CD96: variants seen among roughly 807,000 people sequenced by gnomAD.
The protein encoded by CD96 is CD96 molecule.
A neutral mutation model predicts 71.3 loss-of-function variants in CD96; 70 were observed. The ratio of observed to expected loss-of-function variants is 0.98; its 90% CI spans 0.81 to 1.20. The LOEUF is 1.20. Among genes scored for constraint, CD96 ranks in the 50% most tolerant of loss-of-function variants. The pLI is 0.00. For synonymous variants in CD96, 248 were observed against 233.0 expected, an observed-to-expected ratio of 1.06 and a Z score of -0.59; for missense variants, 742 against 677.5, an observed-to-expected ratio of 1.10 and a Z score of -1.06.
intron 3 of CD96, among the ~76,000 whole-genome samples, chr3:111,576,244 A>AT (rs1347041150): frequency 1.3e-5 from 2 of 152,170 alleles, no homozygotes; most frequent in African/African-American, 2.4e-5. Context: ...AAAAGAAAAA[A>AT]CTGGTAGAAA....
chr3:111,647,397 A>G, intron 12 of CD96, 146 bp from the exon 13 acceptor site: 1 of 768,184 alleles, frequency 1.3e-6, no homozygotes, highest in Non-Finnish European at 2.3e-6. Context: ...TCATGTAGGT[A>G]ACAAGGCTTA....
chr3:111,564,001 T>C (rs1935581595), intron 2 of CD96, among the ~76,000 whole-genome samples: 2 of 152,156 alleles, frequency 1.3e-5, no homozygotes, highest in South Asian at 2.1e-4. Flanking sequence ...TTAACTATGT[T>C]ACTCTATTGT....
rs1157115764 is a variant in CD96 at position 111,652,204 on chromosome 3, C to T, written c.*2398C>T. 2.0e-5 allele frequency: 3 copies of T among 152,120 alleles called. No individual in the cohort carries two copies. Among genetic ancestry groups the T allele is most frequent in the African/African-American group, 7.2e-5 (3 of 41,420 alleles). 9.4% of individuals were successfully genotyped at this position (152,120 alleles called of 1,614,324 possible). ...TACATAGCGACAGATAACTATACAGCTCAACAACTAGAAAAATAAACTGTT... is the reference window on the plus strand; with the variant it reads ...TACATAGCGACAGATAACTATACAGTTCAACAACTAGAAAAATAAACTGTT... On this transcript the variant is annotated 3_prime_UTR_variant, in exon 14 of 14. Transcript: ENST00000352690.
At chr3:111,601,179 C>T (rs1043172719) in intron 7 of CD96, among the ~76,000 whole-genome samples, 1 of 152,166 alleles carries the variant, frequency 6.6e-6, no homozygotes. Flanking sequence ...CAATTTAATT[C>T]ATCATAACTC....
intron 10 of CD96, among the ~76,000 whole-genome samples, chr3:111,631,940 A>T (rs1308125319): frequency 6.6e-6 from 1 of 152,224 alleles, no homozygotes; most frequent in Non-Finnish European, 1.5e-5. Flanking sequence ...GAAAACTTAA[A>T]CTGGACCCCT....
chr3:111,557,249 C>T lies in CD96; in HGVS notation c.419-10274C>T, dbSNP rs1487518170. On this transcript the variant is annotated intron_variant, in intron 2 of 13. Transcript: ENST00000352690. The stretch of plus-strand genomic sequence containing the variant: ...TCAATTTTGGCTTTTGTTGCCATTG[C>T]TTTTGGTGTTTTAGACATGAAGTCC... Among the ~76,000 whole-genome samples the T allele has an allele frequency of 2.5e-5, 3 of 121,792 alleles. 1 individual carries two copies. The highest frequency in any genetic ancestry group is 4.9e-5 in the Non-Finnish European group (3 of 60,874). The allele number at this position is 121,792 out of a possible 152,430, so 79.9% of individuals were successfully genotyped here. A position where few individuals can be genotyped will look rare whatever the true frequency, so the allele number is the denominator to read the frequency against.
downstream of CD96, among the ~76,000 whole-genome samples, chr3:111,656,442 A>G (rs890211957): frequency 6.6e-6 from 1 of 152,210 alleles, no homozygotes; most frequent in South Asian, 2.1e-4. Context: ...ATTGAGAAGA[A>G]TATGATGATA....
chr3:111,583,064 C>T (rs151007704), intron 4 of CD96, among the ~76,000 whole-genome samples: 1,876 of 152,320 alleles, frequency 0.012, 46 homozygotes, highest in African/African-American at 0.042. Context: ...TAAAATCAAA[C>T]GCAAGTTAGT....
At chr3:111,562,531 T>A (rs954185197) in intron 2 of CD96, among the ~76,000 whole-genome samples, 3 of 68,672 alleles carry the variant, frequency 4.4e-5, no homozygotes, top group African/African-American at 1.9e-4. Context: ...TTGATCTCTC[T>A]TCTCGATTTT....
chr3:111,552,039 CTAAT>C (rs1231443323), intron 2 of CD96, among the ~76,000 whole-genome samples: 2 of 152,102 alleles, frequency 1.3e-5, no homozygotes, highest in African/African-American at 4.8e-5. Flanking sequence ...TTGCATTTCT[CTAAT>C]TATCAGTGAT....
intron 12 of CD96, among the ~76,000 whole-genome samples, chr3:111,639,067 TCTG>T (rs758590772): frequency 6.6e-6 from 1 of 152,178 alleles, no homozygotes; most frequent in Non-Finnish European, 1.5e-5. Flanking sequence ...AGATTGCAAC[TCTG>T]CAGCATGCAG....
intron 2 of CD96, among the ~76,000 whole-genome samples, chr3:111,562,254 G>A (rs538729718): frequency 6.6e-6 from 1 of 152,160 alleles, no homozygotes; most frequent in African/African-American, 2.4e-5. Context: ...CTTCTTTGAA[G>A]TCTCTTAAAT....
chr3:111,661,025 T>C (rs1185976199), intron 14 of CD96, among the ~76,000 whole-genome samples: 1 of 152,190 alleles, frequency 6.6e-6, no homozygotes, highest in Non-Finnish European at 1.5e-5. Context: ...AGAGATTTAA[T>C]TGACTCAGAG....
chr3:111,592,634 T>C (rs987893798), intron 5 of CD96, among the ~76,000 whole-genome samples: 3 of 152,264 alleles, frequency 2.0e-5, no homozygotes, highest in Non-Finnish European at 4.4e-5. Context: ...TTCCTTCCTC[T>C]GTTCTTTATT....
At position 111,649,852 on chromosome 3, in the gene CD96, T is replaced by C. The variant is rs766944392; in HGVS notation, c.*46T>C. On this transcript the variant is annotated 3_prime_UTR_variant, in exon 14 of 14. Coordinates refer to ENST00000352690, the MANE Select transcript of CD96 (RefSeq NM_005816.5). The stretch of plus-strand genomic sequence containing the variant: ...TGGCAGAACTCTGCTGGAATCCTAT[T>C]GAGAAGGTAGACATTGTGCTTTATT... 8 of 1,169,072 alleles carry C rather than the reference T, an allele frequency of 6.8e-6. No homozygotes were observed. In the Admixed American group the frequency reaches 1.2e-4, roughly 17 times the overall value. 72.4% of individuals were successfully genotyped at this position (1,169,072 alleles called of 1,614,324 possible).
chr3:111,593,538 G>C lies in CD96; in HGVS notation c.808-4582G>C, dbSNP rs1470523890. 5 of 1,511,732 alleles carry C rather than the reference G, an allele frequency of 3.3e-6. No homozygotes were observed. The African/African-American group carries it at 5.6e-5, about 17-fold the overall frequency. The allele number at this position is 1,511,732 out of a possible 1,614,324, so 93.6% of individuals were successfully genotyped here. ...AATGTTTTCAGAATAGATTCTCCAA[G>C]CCCAATTTAAACAAAATGGAAGGGA... is the stretch of plus-strand genomic sequence containing the variant. On this transcript the variant is annotated intron_variant, in intron 5 of 13. Coordinates refer to ENST00000352690, the MANE Select transcript of CD96 (RefSeq NM_005816.5).
intron 2 of CD96, among the ~76,000 whole-genome samples, chr3:111,547,793 T>TAG (rs1446908171): frequency 6.6e-6 from 1 of 152,122 alleles, no homozygotes; most frequent in Non-Finnish European, 1.5e-5. Context: ...GCCTCAGTGT[T>TAG]AGAGAAATGG....
chr3:111,623,779 C>T lies in CD96; in HGVS notation c.1206C>T (p.Thr402=). 6.2e-7 allele frequency: 1 copy of T among 1,611,180 alleles called. No homozygotes were observed. Among genetic ancestry groups the T allele is most frequent in the South Asian group, 1.1e-5 (1 of 90,984 alleles). The change falls in exon 9 of 14, where the codon ACC becomes ACT. Residue 402 remains threonine (T), a synonymous_variant. Transcript: ENST00000352690. ...GATATCCAGCTACATCTTCAGTGAC[C>T]CTTGTAGATGTGAGTGCCTTGAGGC... The part of the protein sequence containing the change: ...PARYPATSSV[T]LVDVSALRPN...
intron 10 of CD96, among the ~76,000 whole-genome samples, chr3:111,635,905 T>G (rs1037179061): frequency 6.6e-6 from 1 of 152,158 alleles, no homozygotes; most frequent in African/African-American, 2.4e-5. Context: ...AGAACAAACT[T>G]CCTTCTTCAT....
Sources: gnomAD v4.1 joint callset for allele counts (sites outside exome capture counted in the v4.1 genomes callset) on GRCh38, gnomAD v4.1.1 for gene constraint, MANE v1.5 for transcripts, NCBI Gene and HGNC (gene_info 2026-07-23, HGNC 2026-07-21) for gene names.